The following TNS1 variants were observed in gnomAD, a reference collection of about 807,000 sequenced individuals.
TNS1 encodes tensin 1, also known as tensin-1.
A neutral mutation model predicts 168.6 loss-of-function variants in TNS1; 62 were observed. The ratio of observed to expected loss-of-function variants is 0.37; its 90% CI spans 0.30 to 0.45. The LOEUF is 0.45. Among genes scored for constraint, TNS1 ranks in the 20% least tolerant of loss-of-function variants. The probability of loss-of-function intolerance (pLI) is 1.00; values close to 1 mark genes in which losing one functional copy is unlikely to be tolerated. For synonymous variants in TNS1, 934 were observed against 933.2 expected (o/e 1.00, Z -0.02); for missense variants, 2,240 against 2,339.4 (o/e 0.96, Z 0.88).
chr2:217,844,999 T>C (rs546703431), intron 19 of TNS1, among the ~76,000 whole-genome samples: 86 of 152,354 alleles, frequency 5.6e-4, no homozygotes, highest in African/African-American at 2.0e-3. Flanking sequence ...ATAGGAACGC[T>C]TCCAATGCTC....
intron 18 of TNS1, among the ~76,000 whole-genome samples, chr2:217,876,757 T>G (rs1950238877): frequency 6.6e-6 from 1 of 151,636 alleles, no homozygotes; most frequent in African/African-American, 2.4e-5. Context: ...GAGATGAGGG[T>G]AAGAATACAA....
chr2:217,887,598 G>A (rs901636531), intron 12 of TNS1, among the ~76,000 whole-genome samples: 15 of 152,150 alleles, frequency 9.9e-5, no homozygotes, highest in African/African-American at 2.2e-4. Context: ...GTGAGCCACC[G>A]CACCCAGCCA....
chr2:217,915,488 C>T (rs1404276049), intron 4 of TNS1, among the ~76,000 whole-genome samples: 2 of 152,180 alleles, frequency 1.3e-5, no homozygotes, highest in Admixed American at 1.3e-4. Context: ...AGCCCCAGCA[C>T]GTAGAACAGT....
At position 217,831,526 on chromosome 2, in the gene TNS1, G is replaced by A. The variant is rs779522316; in HGVS notation, c.3302C>T (p.Ala1101Val). ...GCCCAGAGCAGACAGGGGTGTCTTG[G>A]CCAGACCCGGGGGGGACCGCACTGT... ...PSGVRSPPGL[A>V]KTPLSALGLK... Residue 1101 changes from alanine (A) to valine (V), a missense_variant, in exon 22 of 33, where the codon GCC (alanine) becomes GTC (valine). Physicochemically the swap from Ala to Val is moderately conservative, Grantham distance 64 (BLOSUM62 0). Transcript: ENST00000682258. 1.1e-5 allele frequency: 17 copies of A among 1,549,978 alleles called. No individual in the cohort carries two copies. The highest frequency in any genetic ancestry group is 2.8e-5 in the African/African-American group (2 of 71,446).
At chr2:217,868,842 G>A (rs1949517087) in intron 18 of TNS1, among the ~76,000 whole-genome samples, 1 of 152,222 alleles carries the variant, frequency 6.6e-6, no homozygotes, top group Admixed American at 6.5e-5. Context: ...CACCTCCCAA[G>A]GACGTGGGTT....
intron 3 of TNS1, among the ~76,000 whole-genome samples, chr2:217,966,893 A>G (rs1957655793): frequency 6.6e-6 from 1 of 151,758 alleles, no homozygotes; most frequent in Admixed American, 6.6e-5. Flanking sequence ...TGCTGGTTGC[A>G]TAACTGGTGT....
In TNS1 at chr2:217,885,826, G is replaced by C. The variant is rs724159921; in HGVS notation, c.1041-7C>G. ...GCTGTCTCCTGGGATGTTGCTAAGG[G>C]AGAGAGGTGGGCAGAAAAAGAGTGG... On this transcript the variant is annotated splice_polypyrimidine_tract_variant and splice_region_variant and intron_variant, in intron 14 of 32. Coordinates refer to ENST00000682258, the MANE Select transcript of TNS1 (RefSeq NM_001387777.1). The C allele has an allele frequency of 2.5e-6, 4 of 1,614,032 alleles. No individual in the cohort carries two copies. The highest frequency in any genetic ancestry group is 3.4e-6 in the Non-Finnish European group (4 of 1,180,036).
At chr2:217,827,878 C>A (rs1011018550) in intron 22 of TNS1, among the ~76,000 whole-genome samples, 1 of 152,232 alleles carries the variant, frequency 6.6e-6, no homozygotes, top group Admixed American at 6.5e-5. Flanking sequence ...CCTGAAGTCA[C>A]CCCAAAGTGA....
intron 1 of TNS1, among the ~76,000 whole-genome samples, chr2:217,997,959 A>G (rs1958500557): frequency 6.6e-6 from 1 of 152,224 alleles, no homozygotes; most frequent in Non-Finnish European, 1.5e-5. Context: ...TTCTGTAGTG[A>G]AATTATACCC....
chr2:217,987,086 T>C (rs969140829), intron 2 of TNS1: 3 of 152,202 alleles, frequency 2.0e-5, no homozygotes, highest in African/African-American at 7.2e-5. Flanking sequence ...GAGTTATTAA[T>C]TGATTTATCC....
rs149254666 is a variant in TNS1, at chr2:217,996,384, C to T, written c.34-5328G>A. Among the ~76,000 whole-genome samples, 1,265 of 152,256 alleles carry T rather than the reference C, an allele frequency of 8.3e-3. 6 individuals are homozygous for T. The highest frequency in any genetic ancestry group is 0.027 in the South Asian group (129 of 4,822). ...GGGAGGCCTGGTGGGCATCCAGCGT[C>T]GTTTATGTGGGGAAGGCTCAGATCC... On this transcript the variant is annotated intron_variant, in intron 1 of 32. Coordinates refer to ENST00000682258, the MANE Select transcript of TNS1 (RefSeq NM_001387777.1).
chr2:217,844,492 T>C (rs929937), intron 19 of TNS1, among the ~76,000 whole-genome samples: 67,148 of 151,922 alleles, frequency 0.44, 15,469 homozygotes, highest in African/African-American at 0.59. Flanking sequence ...AGACCATATG[T>C]TCTCAATCTA....
At chr2:217,815,680 C>G (rs1021475238) in intron 24 of TNS1, among the ~76,000 whole-genome samples, 1 of 152,208 alleles carries the variant, frequency 6.6e-6, no homozygotes, top group African/African-American at 2.4e-5. Context: ...AAGACTGTGA[C>G]TAAAGCCTTC....
upstream of TNS1, chr2:218,010,551 G>A (rs1176594598): frequency 1.2e-5 from 2 of 173,600 alleles, no homozygotes; most frequent in African/African-American, 4.7e-5. Flanking sequence ...CGCGCTGCGG[G>A]GCGGATGCCG....
At position 217,842,148 on chromosome 2, in the gene TNS1, C is replaced by T. The variant is rs77201895; in HGVS notation, c.3007+5362G>A. ...AATGTGGGAGGTTCCAGGACTCCAT[C>T]CTTGGGACCTCTCCTTACCTGTCCT... On this transcript the variant is annotated intron_variant, in intron 19 of 32. Coordinates refer to ENST00000682258, the MANE Select transcript of TNS1 (RefSeq NM_001387777.1). The T allele has an allele frequency of 3.7e-3, 2,589 of 702,808 alleles. 17 individuals carry two copies. The highest frequency in any genetic ancestry group is 0.023 in the African/African-American group (1,309 of 57,364). The allele number at this position is 702,808 out of a possible 1,614,324, so 43.5% of individuals were successfully genotyped here.
At chr2:217,913,967 C>T (rs923360597) in intron 4 of TNS1, among the ~76,000 whole-genome samples, 2 of 152,094 alleles carry the variant, frequency 1.3e-5, no homozygotes, top group African/African-American at 2.4e-5. Flanking sequence ...AGAGACTTGC[C>T]CAAAACATTT....
At chr2:217,873,770 C>T (rs752117741) in intron 18 of TNS1, among the ~76,000 whole-genome samples, 1 of 152,166 alleles carries the variant, frequency 6.6e-6, no homozygotes, top group Non-Finnish European at 1.5e-5. Flanking sequence ...CAAATACCTA[C>T]AGAAGTGCCT....
In TNS1 at chr2:217,799,927, A is replaced by T. The variant is rs1358827991; in HGVS notation, c.*4532T>A. The T allele has an allele frequency of 6.6e-6, 1 of 152,202 alleles. No individual in the cohort carries two copies. Among genetic ancestry groups the T allele is most frequent in the Non-Finnish European group, 1.5e-5 (1 of 68,048 alleles). The allele number at this position is 152,202 out of a possible 1,614,324, so 9.4% of individuals were successfully genotyped here. A position where few individuals can be genotyped will look rare whatever the true frequency, so the allele number is the denominator to read the frequency against. On this transcript the variant is annotated 3_prime_UTR_variant, in exon 33 of 33. Transcript: ENST00000682258. ...AAGGAGCATACACCAGGATTTATAC[A>T]CGGTGGCAGCGGCTATAGGCACGAT...
At chr2:217,946,969 T>TCACACACACACACA (rs372012573) in intron 3 of TNS1, among the ~76,000 whole-genome samples, 6 of 118,858 alleles carry the variant, frequency 5.0e-5, no homozygotes, top group South Asian at 2.7e-4. Context: ...TCTCTCTCTC[T>TCACACACACACACA]CACACACACA....
Sources: allele counts gnomAD v4.1 joint callset (sites outside exome capture counted in the v4.1 genomes callset), GRCh38; gene constraint gnomAD v4.1.1; transcripts MANE v1.5; gene names NCBI Gene and HGNC (gene_info 2026-07-23, HGNC 2026-07-21).